SMAP1: variants seen among roughly 807,000 people sequenced by gnomAD.
SMAP1 encodes the protein stromal membrane-associated protein 1.
SMAP1 carries 24 observed loss-of-function variants against 58.5 expected under a neutral mutation model. The ratio of observed to expected loss-of-function variants is 0.41; its 90% confidence interval spans 0.30 to 0.58. The LOEUF (loss-of-function observed/expected upper bound fraction) is 0.58, where lower values mean the gene tolerates loss of function less well. Ranked by LOEUF, SMAP1 falls within the 20% of genes least tolerant of loss-of-function variation. SMAP1 has a pLI of 0.29. For missense variants in SMAP1, 563 were observed against 566.3 expected (o/e 0.99, Z 0.06); for synonymous variants, 216 against 196.6 (o/e 1.10, Z -0.82).
chr6:70,808,200 A>G (rs1474992934), intron 6 of SMAP1, among the ~76,000 whole-genome samples: 1 of 152,178 alleles, frequency 6.6e-6, no homozygotes, highest in Non-Finnish European at 1.5e-5. Context: ...GGATCCACGC[A>G]GTTCAAACCC....
At chr6:70,706,398 G>T (rs1002273090) in intron 1 of SMAP1, among the ~76,000 whole-genome samples, 1 of 152,118 alleles carries the variant, frequency 6.6e-6, no homozygotes, top group Non-Finnish European at 1.5e-5. Context: ...GATCGTGTTT[G>T]TTAATAATGC....
intron 1 of SMAP1, among the ~76,000 whole-genome samples, chr6:70,724,886 C>T (rs553964886): frequency 1.9e-4 from 29 of 151,890 alleles, no homozygotes; most frequent in Admixed American, 6.5e-4. Flanking sequence ...TATTAAGAAA[C>T]TCCCAAACAT....
chr6:70,746,668 A>C (rs536726868), intron 2 of SMAP1, among the ~76,000 whole-genome samples: 1 of 152,292 alleles, frequency 6.6e-6, no homozygotes, highest in South Asian at 2.1e-4. Flanking sequence ...CTTTAGTATC[A>C]GGATGATGTT....
At chr6:70,818,221 C>T (rs1769727363) in intron 6 of SMAP1, among the ~76,000 whole-genome samples, 2 of 150,542 alleles carry the variant, frequency 1.3e-5, no homozygotes, top group African/African-American at 4.9e-5. Flanking sequence ...TAGTGAAACC[C>T]CGTCTCTACT....
intron 2 of SMAP1, among the ~76,000 whole-genome samples, chr6:70,748,976 C>A (rs1582108518): frequency 1.3e-5 from 2 of 152,050 alleles, no homozygotes; most frequent in South Asian, 4.1e-4. Context: ...TTCTCTCAAT[C>A]AGTTCCTCAG....
At chr6:70,788,562 G>C (rs981194351) in intron 4 of SMAP1, among the ~76,000 whole-genome samples, 1 of 152,142 alleles carries the variant, frequency 6.6e-6, no homozygotes, top group African/African-American at 2.4e-5. Context: ...ATATTTCCCA[G>C]AGGAAGCAGT....
At chr6:70,804,075 A>G (rs542867795) in intron 6 of SMAP1, among the ~76,000 whole-genome samples, 6 of 152,120 alleles carry the variant, frequency 3.9e-5, no homozygotes, top group Non-Finnish European at 7.4e-5. Context: ...TCTGTCTGAC[A>G]TTGACAGTGG....
chr6:70,830,361 A>C (rs1770309181), intron 6 of SMAP1, among the ~76,000 whole-genome samples: 1 of 152,192 alleles, frequency 6.6e-6, no homozygotes, highest in South Asian at 2.1e-4. Flanking sequence ...CTGTTATCAC[A>C]CACTAGTATC....
Position 70,798,676 on chromosome 6 carries a change from A to T in SMAP1, c.515A>T (p.Lys172Met). 1 of 1,540,634 alleles carries T rather than the reference A, an allele frequency of 6.5e-7. No homozygotes were observed. The highest frequency in any genetic ancestry group is 8.7e-7 in the Non-Finnish European group (1 of 1,145,364). ...TTTTAGAAAGAAAAGGAAAAAAAAA[A>T]GGAAGAGAAAAAGAGAGAAAAGGAG... ...NKLEKEKEKK[K>M]EEKKREKEPE... The change falls in exon 6 of 11, where the codon AAG becomes ATG. Residue 172 changes from lysine (K) to methionine (M), a missense_variant. By Grantham distance (95) the Lys-to-Met change is moderately conservative. This residue lies in a region of SMAP1 where 494 missense variants were observed against 473.8 expected (regional missense o/e 1.04). Coordinates refer to ENST00000370455, the MANE Select transcript of SMAP1 (RefSeq NM_001044305.3).
At chr6:70,814,924 T>C (rs1769553931) in intron 6 of SMAP1, among the ~76,000 whole-genome samples, 1 of 152,120 alleles carries the variant, frequency 6.6e-6, no homozygotes, top group Non-Finnish European at 1.5e-5. Flanking sequence ...TTACCTATCA[T>C]CTAGGGATAG....
In SMAP1 at chr6:70,860,754, C is replaced by G; in HGVS notation, c.*420C>G. On this transcript the variant is annotated 3_prime_UTR_variant, in exon 11 of 11. Coordinates refer to ENST00000370455, the MANE Select transcript of SMAP1 (RefSeq NM_001044305.3). ...GGTACTGTATGATCAAATGTTTAAT[C>G]ATATAAATAGAATGTAAATGTCTCA... 2.5e-6 allele frequency: 1 copy of G among 400,122 alleles called. No individual in the cohort carries two copies. Among genetic ancestry groups the G allele is most frequent in the Non-Finnish European group, 4.4e-6 (1 of 226,740 alleles). The allele number at this position is 400,122 out of a possible 1,614,324, so 24.8% of individuals were successfully genotyped here. A position where few individuals can be genotyped will look rare whatever the true frequency, so the allele number is the denominator to read the frequency against.
chr6:70,739,062 G>C (rs1290242795), intron 2 of SMAP1, among the ~76,000 whole-genome samples: 1 of 152,106 alleles, frequency 6.6e-6, no homozygotes, highest in African/African-American at 2.4e-5. Flanking sequence ...ATCTGGAACT[G>C]GAGAGAACCT....
At chr6:70,814,429 G>C (rs1219683900) in intron 6 of SMAP1, among the ~76,000 whole-genome samples, 1 of 152,130 alleles carries the variant, frequency 6.6e-6, no homozygotes, top group African/African-American at 2.4e-5. Flanking sequence ...TAATCTTATA[G>C]AGACTACTAT....
At chr6:70,791,574 T>G in intron 4 of SMAP1, 115 bp from the exon 5 acceptor site, 1 of 741,836 alleles carries the variant, frequency 1.3e-6, no homozygotes, top group Non-Finnish European at 2.2e-6. Context: ...TTAACATGCC[T>G]CTAAGTGCTT....
intron 1 of SMAP1, among the ~76,000 whole-genome samples, chr6:70,700,770 A>G (rs1337028672): frequency 2.6e-5 from 4 of 152,182 alleles, no homozygotes; most frequent in Non-Finnish European, 5.9e-5. Context: ...AGCAAGTTCT[A>G]CTTGGCTACT....
At chr6:70,668,167 C>T (rs201898303) in intron 1 of SMAP1, 26 bp downstream of exon 1, 576 of 1,573,254 alleles carry the variant, frequency 3.7e-4, no homozygotes, top group East Asian at 3.4e-3. Flanking sequence ...TCGCTGCCCA[C>T]GGTCGGGGCC....
At chr6:70,770,383 G>T (rs927722839) in intron 3 of SMAP1, among the ~76,000 whole-genome samples, 8 of 152,168 alleles carry the variant, frequency 5.3e-5, no homozygotes, top group African/African-American at 1.9e-4. Flanking sequence ...CTTTCAGGTA[G>T]ATCAATCAGA....
Position 70,693,553 on chromosome 6 carries a change from C to T in SMAP1, c.118+25412C>T, listed in dbSNP as rs559324718. The stretch of plus-strand genomic sequence containing the variant: ...TCTTGACCTCATGATCCGCCTGCCT[C>T]GGCCTCCCAAAGTGCTGGGATTACA... On this transcript the variant is annotated intron_variant, in intron 1 of 10. Coordinates refer to ENST00000370455, the MANE Select transcript of SMAP1 (RefSeq NM_001044305.3). 1.2e-3 allele frequency among the ~76,000 whole-genome samples: 187 copies of T among 152,140 alleles called. 1 individual carries two copies. The highest frequency in any genetic ancestry group is 2.4e-3 in the Non-Finnish European group (161 of 68,002).
intron 5 of SMAP1, among the ~76,000 whole-genome samples, chr6:70,798,149 A>C (rs1363225690): frequency 6.6e-6 from 1 of 152,010 alleles, no homozygotes; most frequent in Non-Finnish European, 1.5e-5. Context: ...CTAAAGCAAA[A>C]TCTATGATAA....
Sources: gnomAD v4.1 joint callset for allele counts (sites outside exome capture counted in the v4.1 genomes callset) on GRCh38, gnomAD v4.1.1 for gene constraint, gnomAD v4.1.1 regional missense constraint, MANE v1.5 for transcripts, NCBI Gene and HGNC (gene_info 2026-07-23, HGNC 2026-07-21) for gene names.